The following CDH13 variants were observed in gnomAD, a reference collection of about 807,000 sequenced individuals.
CDH13 encodes the protein cadherin 13, also known as cadherin-13.
A neutral mutation model predicts 63.8 loss-of-function variants in CDH13; 24 were observed. The ratio of observed to expected loss-of-function variants is 0.38; its 90% CI spans 0.27 to 0.53. CDH13 has a LOEUF of 0.53. CDH13 is among the 20% of genes least tolerant of loss of function. The pLI is 0.85. For synonymous variants in CDH13, 503 were observed against 355.3 expected, an observed-to-expected ratio of 1.42 and a Z score of -4.67; for missense variants, 1,049 against 903.1, an observed-to-expected ratio of 1.16 and a Z score of -2.07.
At position 83,486,002 on chromosome 16, in the gene CDH13, G is replaced by A. The variant is rs142350522; in HGVS notation, c.782-475G>A. 5.4e-3 allele frequency among the ~76,000 whole-genome samples: 820 copies of A among 152,252 alleles called. 9 individuals carry two copies. The highest frequency in any genetic ancestry group is 0.019 in the African/African-American group (772 of 41,548). On this transcript the variant is annotated intron_variant, in intron 6 of 13. Transcript: ENST00000567109. Reference sequence around the variant, plus strand: ...TACCAAAAATACAAATATTAACTGGGCGTGATGACACACAACTGTAATCCC... The same window carrying A: ...TACCAAAAATACAAATATTAACTGGACGTGATGACACACAACTGTAATCCC...
chr16:82,917,855 C>T (rs2042036819), intron 2 of CDH13, among the ~76,000 whole-genome samples: 1 of 144,492 alleles, frequency 6.9e-6, no homozygotes, highest in South Asian at 2.2e-4. Context: ...GCAGAGGTTG[C>T]AGTGAGCCGA....
chr16:83,633,799 G>A (rs34932564), intron 8 of CDH13, among the ~76,000 whole-genome samples: 11,297 of 152,158 alleles, frequency 0.074, 536 homozygotes, highest in Admixed American at 0.1. Context: ...GGGAGCCCAA[G>A]TGCAAAGTAG....
rs150967021 is a variant in CDH13 at position 82,900,316 on chromosome 16, A to C, written c.157+41843A>C. ...ATAAATGAAATACCACAAACAGGCCAAGCCAAATAAACTCTGAAGTTGAGT... is the reference window on the plus strand; with the variant it reads ...ATAAATGAAATACCACAAACAGGCCCAGCCAAATAAACTCTGAAGTTGAGT... On this transcript the variant is annotated intron_variant, in intron 2 of 13. Coordinates refer to ENST00000567109, the MANE Select transcript of CDH13 (RefSeq NM_001257.5). 1.6e-3 allele frequency among the ~76,000 whole-genome samples: 251 copies of C among 152,336 alleles called. 1 individual carries two copies. The highest frequency in any genetic ancestry group is 5.7e-3 in the African/African-American group (237 of 41,592).
chr16:82,930,719 A>G (rs769462485), intron 2 of CDH13, among the ~76,000 whole-genome samples: 22 of 152,154 alleles, frequency 1.4e-4, no homozygotes, highest in Non-Finnish European at 2.9e-4. Flanking sequence ...TAAACTAAGC[A>G]CTTAAAATTA....
At chr16:83,383,704 G>A (rs977432545) in intron 6 of CDH13, among the ~76,000 whole-genome samples, 1 of 152,052 alleles carries the variant, frequency 6.6e-6, no homozygotes, top group East Asian at 1.9e-4. Context: ...GGGGAGCCTG[G>A]GGCTTTTGAT....
intron 11 of CDH13, among the ~76,000 whole-genome samples, chr16:83,748,497 C>G (rs1021372126): frequency 6.6e-6 from 1 of 152,120 alleles, no homozygotes; most frequent in African/African-American, 2.4e-5. Context: ...CTCACCCTGT[C>G]CCATCTTGGG....
intron 2 of CDH13, among the ~76,000 whole-genome samples, chr16:82,921,411 C>G (rs577398851): frequency 1.3e-5 from 2 of 152,126 alleles, no homozygotes; most frequent in African/African-American, 2.4e-5. Flanking sequence ...GTCACATTGC[C>G]TTCTCTATCT....
intron 5 of CDH13, among the ~76,000 whole-genome samples, chr16:83,314,535 C>T (rs542578521): frequency 1.3e-5 from 2 of 152,168 alleles, no homozygotes; most frequent in African/African-American, 4.8e-5. Context: ...AGACTATTCC[C>T]TGAGATGGCA....
intron 2 of CDH13, among the ~76,000 whole-genome samples, chr16:82,994,250 G>C (rs1360136598): frequency 6.6e-6 from 1 of 152,142 alleles, no homozygotes; most frequent in African/African-American, 2.4e-5. Context: ...TTCAGTTCTT[G>C]GATGGGCCTC....
chr16:83,793,747 G>A (rs1173643542), intron 13 of CDH13, among the ~76,000 whole-genome samples: 1 of 151,704 alleles, frequency 6.6e-6, no homozygotes, highest in Non-Finnish European at 1.5e-5. Context: ...GGGAGGCGGA[G>A]GTTGCAGGGA....
intron 2 of CDH13, among the ~76,000 whole-genome samples, chr16:82,930,116 C>G (rs1327279370): frequency 7.1e-6 from 1 of 140,184 alleles, no homozygotes; most frequent in African/African-American, 2.6e-5. Flanking sequence ...GCAATCTCAG[C>G]TCACTACAAC....
chr16:83,315,088 A>G (rs1268882784), intron 5 of CDH13, among the ~76,000 whole-genome samples: 2 of 152,214 alleles, frequency 1.3e-5, no homozygotes, highest in African/African-American at 4.8e-5. Context: ...GTGAGGAATA[A>G]CAGAGTTACA....
chr16:82,831,320 C>A (rs1024991359), intron 1 of CDH13, among the ~76,000 whole-genome samples: 20 of 152,276 alleles, frequency 1.3e-4, no homozygotes, highest in African/African-American at 4.3e-4. Context: ...TATCAAGTTT[C>A]TCTGCTTTCA....
intron 6 of CDH13, among the ~76,000 whole-genome samples, chr16:83,349,963 G>A (rs565694560): frequency 6.6e-6 from 1 of 152,262 alleles, no homozygotes; most frequent in African/African-American, 2.4e-5. Flanking sequence ...TTTTTGGGGA[G>A]CTCAAGGAAA....
rs188181661 is a variant in CDH13 at position 83,622,088 on chromosome 16, T to C, written c.1101+19494T>C. Among the ~76,000 whole-genome samples, 72 of 152,310 alleles carry C rather than the reference T, an allele frequency of 4.7e-4. No homozygotes were observed. In the Middle Eastern group the frequency reaches 0.01, roughly 22 times the overall value. On this transcript the variant is annotated intron_variant, in intron 8 of 13. Transcript: ENST00000567109. Reference sequence around the variant, plus strand: ...TATAAATAACTTTTCGAAAGCTAATTATTATCAAGTGCTTATCTGTGTGAG... The same window carrying C: ...TATAAATAACTTTTCGAAAGCTAATCATTATCAAGTGCTTATCTGTGTGAG...
At chr16:82,716,053 A>G (rs2032350251) in intron 1 of CDH13, among the ~76,000 whole-genome samples, 2 of 152,186 alleles carry the variant, frequency 1.3e-5, no homozygotes, top group Non-Finnish European at 2.9e-5. Context: ...AAGTCGGATA[A>G]GGAAATGACC....
intron 6 of CDH13, among the ~76,000 whole-genome samples, chr16:83,408,359 T>C (rs2151452673): frequency 6.6e-6 from 1 of 152,342 alleles, no homozygotes; most frequent in Middle Eastern, 3.4e-3. Flanking sequence ...TGATTTGTCA[T>C]TGTGCAAACA....
chr16:82,849,868 G>A (rs1425252529), intron 1 of CDH13, among the ~76,000 whole-genome samples: 2 of 152,192 alleles, frequency 1.3e-5, no homozygotes, highest in East Asian at 3.8e-4. Flanking sequence ...CAGTACATCT[G>A]TTTACAACAT....
At chr16:83,238,449 G>A (rs1904283465) in intron 5 of CDH13, among the ~76,000 whole-genome samples, 1 of 152,150 alleles carries the variant, frequency 6.6e-6, no homozygotes, top group Admixed American at 6.5e-5. Context: ...CCTCCCACCA[G>A]GTCACTCCCA....
Sources: gnomAD v4.1 joint callset for allele counts (sites outside exome capture counted in the v4.1 genomes callset) on GRCh38, gnomAD v4.1.1 for gene constraint, MANE v1.5 for transcripts, NCBI Gene and HGNC (gene_info 2026-07-23, HGNC 2026-07-21) for gene names.